PCLO: variants seen among roughly 807,000 people sequenced by gnomAD.
The protein encoded by PCLO is piccolo presynaptic cytomatrix protein.
In PCLO, 82 loss-of-function variants were observed where a neutral mutation model predicts 427.5. The observed-to-expected ratio is 0.19, with a 90% confidence interval of 0.16 to 0.23. The LOEUF is 0.23. Ranked by LOEUF, PCLO falls within the 10% of genes least tolerant of loss-of-function variation. The probability of loss-of-function intolerance (pLI) is 1.00; values close to 1 mark genes in which losing one functional copy is unlikely to be tolerated. For missense variants in PCLO, 6,239 were observed against 6,115.9 expected, an observed-to-expected ratio of 1.02 and a Z score of -0.67; for synonymous variants, 2,357 against 2,155.4, an observed-to-expected ratio of 1.09 and a Z score of -2.59.
At chr7:82,930,551 C>G (rs897939408) in intron 6 of PCLO, among the ~76,000 whole-genome samples, 1 of 152,020 alleles carries the variant, frequency 6.6e-6, no homozygotes, top group Non-Finnish European at 1.5e-5. Context: ...TAGCATAACA[C>G]AAAAATACTC....
intron 15 of PCLO, 128 bp from the exon 16 acceptor site, chr7:82,835,821 C>A: frequency 2.9e-6 from 2 of 699,868 alleles, no homozygotes; most frequent in Non-Finnish European, 4.9e-6. Context: ...TATCCCATAA[C>A]ATAAATGACA....
chr7:83,123,838 T>C (rs1791350485), intron 3 of PCLO, among the ~76,000 whole-genome samples: 1 of 150,958 alleles, frequency 6.6e-6, no homozygotes, highest in Non-Finnish European at 1.5e-5. Context: ...ACGCCTGTGA[T>C]CCCAGCACTT....
chr7:83,039,697 T>G (rs527584752), intron 3 of PCLO, among the ~76,000 whole-genome samples: 16 of 152,144 alleles, frequency 1.1e-4, no homozygotes. Flanking sequence ...TAATTCCATA[T>G]AAATTTTAAG....
intron 3 of PCLO, among the ~76,000 whole-genome samples, chr7:83,045,259 A>G (rs1262536859): frequency 1.3e-5 from 2 of 152,186 alleles, no homozygotes; most frequent in Non-Finnish European, 2.9e-5. Context: ...ACTCCAGAAA[A>G]GGAAAAGAGA....
chr7:83,135,773 A>G lies in PCLO; in HGVS notation c.1894-117T>C, dbSNP rs143106037. On this transcript the variant is annotated intron_variant, in intron 2 of 24. Coordinates refer to ENST00000333891, the MANE Select transcript of PCLO (RefSeq NM_033026.6). ...TCTCTCATCATTCAAAGCAGAAAAT[A>G]TAGAGAAAATTATTTTAATAAATTG... is the stretch of plus-strand genomic sequence containing the variant. The G allele has an allele frequency of 3.4e-5, 20 of 595,314 alleles. No individual in the cohort carries two copies. In the Admixed American group the frequency reaches 5.5e-4, roughly 16 times the overall value. The allele number at this position is 595,314 out of a possible 1,614,324, so 36.9% of individuals were successfully genotyped here.
At chr7:82,853,989 T>A (rs1295325582) in intron 10 of PCLO, among the ~76,000 whole-genome samples, 1 of 152,200 alleles carries the variant, frequency 6.6e-6, no homozygotes, top group African/African-American at 2.4e-5. Flanking sequence ...AAAAATACTT[T>A]AGGATCCTAA....
chr7:83,126,233 T>C (rs906937158), intron 3 of PCLO, among the ~76,000 whole-genome samples: 1 of 152,140 alleles, frequency 6.6e-6, no homozygotes, highest in African/African-American at 2.4e-5. Context: ...CTGGGAAGGA[T>C]AGTGGGTGGA....
At chr7:82,763,108 G>A (rs749972501) in intron 22 of PCLO, among the ~76,000 whole-genome samples, 1 of 152,044 alleles carries the variant, frequency 6.6e-6, no homozygotes, top group Non-Finnish European at 1.5e-5. Context: ...ATGAATATTA[G>A]AAAGAAATGC....
At chr7:83,040,198 T>C (rs1190133059) in intron 3 of PCLO, among the ~76,000 whole-genome samples, 2 of 152,154 alleles carry the variant, frequency 1.3e-5, no homozygotes. Context: ...GTAATGATCA[T>C]TCTTCAGACA....
At chr7:83,027,590 T>C (rs1788537050) in intron 3 of PCLO, among the ~76,000 whole-genome samples, 1 of 150,348 alleles carries the variant, frequency 6.7e-6, no homozygotes, top group Non-Finnish European at 1.5e-5. Context: ...GAGGGAATCC[T>C]CCCTAACTCA....
intron 8 of PCLO, among the ~76,000 whole-genome samples, chr7:82,906,214 T>G (rs1485666632): frequency 6.6e-6 from 1 of 152,096 alleles, no homozygotes; most frequent in Non-Finnish European, 1.5e-5. Context: ...GTTTGTCTTA[T>G]GTAAACTAGT....
At chr7:83,133,436 T>A (rs182479246) in intron 3 of PCLO, among the ~76,000 whole-genome samples, 1 of 152,214 alleles carries the variant, frequency 6.6e-6, no homozygotes, top group East Asian at 1.9e-4. Flanking sequence ...TTAAATATTC[T>A]AATAGCCCTA....
In PCLO at chr7:82,967,544, G is replaced by A. The variant is rs1795807493; in HGVS notation, c.3301-1057C>T. Among the ~76,000 whole-genome samples the A allele has an allele frequency of 5.9e-5, 9 of 152,078 alleles. No individual in the cohort carries two copies. In the South Asian group the frequency reaches 1.9e-3, roughly 32 times the overall value. ...CACCCGCACTAAATCAACTAATAGG[G>A]TCTTTAGACATACAAATTCCTAGGA... is the stretch of plus-strand genomic sequence containing the variant. On this transcript the variant is annotated intron_variant, in intron 3 of 24. Coordinates refer to ENST00000333891, the MANE Select transcript of PCLO (RefSeq NM_033026.6).
intron 22 of PCLO, among the ~76,000 whole-genome samples, chr7:82,768,590 A>AT (rs1262075249): frequency 6.6e-6 from 1 of 152,032 alleles, no homozygotes; most frequent in African/African-American, 2.4e-5. Flanking sequence ...AAATATAATC[A>AT]TTTTTTGATA....
At chr7:82,769,777 A>C (rs192974903) in intron 22 of PCLO, among the ~76,000 whole-genome samples, 1 of 152,272 alleles carries the variant, frequency 6.6e-6, no homozygotes, top group African/African-American at 2.4e-5. Context: ...GGTGCTAGCT[A>C]ATGAAGTCTG....
chr7:83,002,617 C>T lies in PCLO; in HGVS notation c.3301-36130G>A, dbSNP rs896994225. 4.6e-5 allele frequency among the ~76,000 whole-genome samples: 7 copies of T among 151,904 alleles called. No homozygotes were observed. The South Asian group carries it at 1.5e-3, about 32-fold the overall frequency. ...AACCACTCCAACATCTTTTAAAATA[C>T]TCAGAATTGTTAAAGCATTAAAATG... is the stretch of plus-strand genomic sequence containing the variant. On this transcript the variant is annotated intron_variant, in intron 3 of 24. Transcript: ENST00000333891.
At chr7:82,911,992 T>C (rs1030257951) in intron 7 of PCLO, among the ~76,000 whole-genome samples, 1 of 152,292 alleles carries the variant, frequency 6.6e-6, no homozygotes, top group Non-Finnish European at 1.5e-5. Flanking sequence ...ATATAGACTT[T>C]TCCTCAAGAA....
At chr7:83,006,467 GAAC>G (rs1377736321) in intron 3 of PCLO, among the ~76,000 whole-genome samples, 1 of 151,430 alleles carries the variant, frequency 6.6e-6, no homozygotes, top group African/African-American at 2.4e-5. Flanking sequence ...AGTAGTATAG[GAAC>G]AACAATTTAA....
intron 3 of PCLO, among the ~76,000 whole-genome samples, chr7:83,013,659 A>C (rs1344174359): frequency 6.6e-6 from 1 of 152,180 alleles, no homozygotes; most frequent in African/African-American, 2.4e-5. Context: ...GTTGGGTTCT[A>C]ATCAATCCAG....
Sources: allele counts gnomAD v4.1 joint callset (sites outside exome capture counted in the v4.1 genomes callset), GRCh38; gene constraint gnomAD v4.1.1; transcripts MANE v1.5; gene names NCBI Gene and HGNC (gene_info 2026-07-23, HGNC 2026-07-21).